KALRN: variants seen among roughly 807,000 people sequenced by gnomAD.
The protein encoded by KALRN is kalirin RhoGEF kinase.
In KALRN, 70 loss-of-function variants were observed where a neutral mutation model predicts 353.7. The observed-to-expected ratio is 0.20, with a 90% CI of 0.16 to 0.24. The LOEUF (loss-of-function observed/expected upper bound fraction) is 0.24. Among genes scored for constraint, KALRN ranks in the 10% least tolerant of loss-of-function variants. The probability of loss-of-function intolerance (pLI) is 1.00; values close to 1 mark genes in which losing one functional copy is unlikely to be tolerated. For synonymous variants in KALRN, 1,391 were observed against 1,434.8 expected, an observed-to-expected ratio of 0.97 and a Z score of 0.69; for missense variants, 2,791 against 3,756.7, an observed-to-expected ratio of 0.74 and a Z score of 6.72.
chr3:124,242,041 G>A (rs2080519239), intron 3 of KALRN, among the ~76,000 whole-genome samples: 1 of 152,146 alleles, frequency 6.6e-6, no homozygotes, highest in African/African-American at 2.4e-5. Context: ...AATTCTGTGG[G>A]TCTAGTTCAA....
intron 34 of KALRN, chr3:124,585,024 T>A (rs2075012109): frequency 5.6e-6 from 7 of 1,250,514 alleles, no homozygotes; most frequent in Non-Finnish European, 7.6e-6. Context: ...CGGATGGGGC[T>A]GGGGATCAGG....
At chr3:124,371,364 C>CGACT (rs1417303883) in intron 10 of KALRN, among the ~76,000 whole-genome samples, 1 of 152,156 alleles carries the variant, frequency 6.6e-6, no homozygotes, top group African/African-American at 2.4e-5. Flanking sequence ...GTTCATATCT[C>CGACT]GACTACTGTG....
rs1559819369 is a variant in KALRN, at chr3:124,671,643, C to G, written c.6704-17C>G. On this transcript the variant is annotated splice_polypyrimidine_tract_variant and intron_variant, in intron 47 of 59. Coordinates refer to ENST00000682506, the MANE Select transcript of KALRN (RefSeq NM_001388419.1). ...GATTCCCAAAGCTTAGAGTAACCAC[C>G]TGCTCTTATCCCACAGCACTGCAAT... The G allele has an allele frequency of 1.9e-6, 3 of 1,578,648 alleles. No homozygotes were observed. Among genetic ancestry groups the G allele is most frequent in the Non-Finnish European group, 2.6e-6 (3 of 1,147,916 alleles).
chr3:124,393,985 G>A (rs1220585083), intron 11 of KALRN, among the ~76,000 whole-genome samples: 5 of 152,092 alleles, frequency 3.3e-5, no homozygotes, highest in African/African-American at 7.2e-5. Context: ...GAACCAACTC[G>A]ATGAAATAAT....
intron 10 of KALRN, among the ~76,000 whole-genome samples, chr3:124,373,155 G>A (rs561788612): frequency 4.6e-5 from 7 of 151,908 alleles, no homozygotes; most frequent in African/African-American, 1.7e-4. Context: ...TAAGGTTTCT[G>A]CCATCTGAAG....
At chr3:124,347,070 G>A (rs1229069959) in intron 9 of KALRN, 73 bp from the exon 10 acceptor site, 1 of 1,604,256 alleles carries the variant, frequency 6.2e-7, no homozygotes, top group Non-Finnish European at 8.5e-7. Context: ...TAGGACTCTA[G>A]CAGTTGCACA....
chr3:124,183,192 T>C (rs1379961942), intron 1 of KALRN, among the ~76,000 whole-genome samples: 2 of 152,230 alleles, frequency 1.3e-5, no homozygotes, highest in Non-Finnish European at 2.9e-5. Context: ...TAAGCTGTTC[T>C]TGCATTGCTA....
intron 1 of KALRN, among the ~76,000 whole-genome samples, chr3:124,118,979 A>C (rs948300168): frequency 6.6e-6 from 1 of 152,206 alleles, no homozygotes; most frequent in Non-Finnish European, 1.5e-5. Context: ...CTTTGTTCCA[A>C]TTCCGGTCTC....
chr3:124,048,638 C>T (rs1446599711), intron 1 of KALRN, among the ~76,000 whole-genome samples: 9 of 151,874 alleles, frequency 5.9e-5, no homozygotes, highest in African/African-American at 1.5e-4. Flanking sequence ...CCCGCCACCT[C>T]GCCCAGCTAA....
chr3:124,348,921 G>A lies in KALRN; in HGVS notation c.1770+1656G>A, dbSNP rs370584793. Among the ~76,000 whole-genome samples, 148 of 152,180 alleles carry A rather than the reference G, an allele frequency of 9.7e-4. 3 individuals are homozygous for A. Among genetic ancestry groups the A allele is most frequent in the African/African-American group, 3.3e-3 (136 of 41,496 alleles). On this transcript the variant is annotated intron_variant, in intron 10 of 59. Transcript: ENST00000682506. The stretch of plus-strand genomic sequence containing the variant: ...TTTAGTAGAGATGGGGTTTCACCAC[G>A]TTGGCCAGGCTGGTCTCGAACTCCT...
chr3:124,449,108 AAACCTCTTCT>A (rs1179889110), intron 21 of KALRN, among the ~76,000 whole-genome samples: 1 of 152,216 alleles, frequency 6.6e-6, no homozygotes, highest in Non-Finnish European at 1.5e-5. Context: ...TTCCAGAGGT[AAACCTCTTCT>A]AATCAGCTGT....
chr3:124,554,606 G>A (rs986442073), intron 33 of KALRN, among the ~76,000 whole-genome samples: 2 of 152,084 alleles, frequency 1.3e-5, no homozygotes, highest in Non-Finnish European at 2.9e-5. Context: ...TGTTACTGAT[G>A]TTTTATTGTC....
chr3:124,130,411 C>G (rs116257036), intron 1 of KALRN, among the ~76,000 whole-genome samples: 33 of 152,274 alleles, frequency 2.2e-4, no homozygotes, highest in Non-Finnish European at 4.3e-4. Flanking sequence ...TGCTTAAAGA[C>G]TAACATCAGT....
At chr3:124,298,039 G>A (rs2149207449) in intron 5 of KALRN, among the ~76,000 whole-genome samples, 1 of 152,310 alleles carries the variant, frequency 6.6e-6, no homozygotes, top group African/African-American at 2.4e-5. Context: ...AATCCCATTG[G>A]TTGGGAAATG....
chr3:124,461,909 C>T lies in KALRN; in HGVS notation c.3874C>T (p.Leu1292Phe), dbSNP rs766722901. Residue 1292 changes from leucine to phenylalanine, a missense_variant, in exon 24 of 60, where the codon CTC (leucine) becomes TTC (phenylalanine). Transcript: ENST00000682506. ...TTCTAGATTTATTATGGCTGAACTA[C>T]TCCAGACAGAGAAGGCTTATGTAAG... ...RKKEFIMAELLQTEKAYVRDL... is the reference protein window; with the variant it reads ...RKKEFIMAELFQTEKAYVRDL... 1.9e-6 allele frequency: 3 copies of T among 1,613,244 alleles called. No individual in the cohort carries two copies. The highest frequency in any genetic ancestry group is 2.5e-6 in the Non-Finnish European group (3 of 1,179,282).
intron 33 of KALRN, among the ~76,000 whole-genome samples, chr3:124,508,918 C>T (rs1029186942): frequency 6.6e-6 from 1 of 152,162 alleles, no homozygotes; most frequent in African/African-American, 2.4e-5. Flanking sequence ...TCAAGTTGAA[C>T]ATCTTTTCCT....
intron 10 of KALRN, 126 bp from the exon 11 acceptor site, chr3:124,384,693 CGTGCCAGCTCCGCGCACCGCGCCTCA>C (rs2087929001): frequency 3.1e-6 from 2 of 635,934 alleles, no homozygotes; most frequent in African/African-American, 3.7e-5. Context: ...TGAGAGGCGG[CGTGCCAGCTCCGCGCACCGCGCCTCA>C]GTGCCAGATC....
At chr3:124,094,737 G>A in intron 1 of KALRN, 2 of 962,862 alleles carry the variant, frequency 2.1e-6, no homozygotes, top group East Asian at 4.8e-5. Flanking sequence ...AGCAGGCTGT[G>A]TGCGAGCCCA....
At position 124,693,829 on chromosome 3, in the gene KALRN, A is replaced by T; in HGVS notation, c.7403A>T (p.Glu2468Val). The change falls in exon 52 of 60, where the codon GAA (glutamate) becomes GTA (valine). Residue 2468 changes from glutamate (E) to valine (V), a missense_variant and splice_region_variant. Glu to Val is a moderately radical substitution (Grantham distance 121). Transcript: ENST00000682506. ...ATCTTAAATCCAAATTTCATCCAAG[A>T]AGGTGAGTTAAAAAGCATTAGAATT... is the stretch of plus-strand genomic sequence containing the variant. ...MEILNPNFIQ[E>V]VAPEFLVPLV... 6.4e-7 allele frequency: 1 copy of T among 1,568,938 alleles called. No individual in the cohort carries two copies. Among genetic ancestry groups the T allele is most frequent in the South Asian group, 1.1e-5 (1 of 87,044 alleles).
Sources: gnomAD v4.1 joint callset for allele counts (sites outside exome capture counted in the v4.1 genomes callset) on GRCh38, gnomAD v4.1.1 for gene constraint, MANE v1.5 for transcripts, NCBI Gene and HGNC (gene_info 2026-07-23, HGNC 2026-07-21) for gene names.